Variants in PHKB observed in about 807,000 individuals in gnomAD.
PHKB encodes phosphorylase b kinase regulatory subunit beta.
Under a neutral mutation model 152.1 loss-of-function variants are expected in PHKB, and 122 were observed. The ratio of observed to expected loss-of-function variants is 0.80; its 90% CI spans 0.69 to 0.93. The LOEUF is 0.93. Ranked by LOEUF, PHKB falls within the 40% of genes least tolerant of loss-of-function variation. The pLI is 0.00. For missense variants in PHKB, 1,304 were observed against 1,328.4 expected, an observed-to-expected ratio of 0.98 and a Z score of 0.29; for synonymous variants, 436 against 464.9, an observed-to-expected ratio of 0.94 and a Z score of 0.80.
chr16:47,548,413 C>T (rs1043369095), intron 7 of PHKB, among the ~76,000 whole-genome samples: 5 of 152,054 alleles, frequency 3.3e-5, no homozygotes, highest in Non-Finnish European at 2.9e-5. Context: ...TTAAGACCAG[C>T]GTGGCCAACA....
At chr16:47,478,147 C>T (rs2151632176) in intron 1 of PHKB, among the ~76,000 whole-genome samples, 1 of 152,174 alleles carries the variant, frequency 6.6e-6, no homozygotes, top group South Asian at 2.1e-4. Context: ...TTACCTTAGA[C>T]CTCTTTAAAG....
intron 26 of PHKB, among the ~76,000 whole-genome samples, chr16:47,677,298 T>G (rs959961441): frequency 1.3e-5 from 2 of 152,166 alleles, no homozygotes; most frequent in African/African-American, 4.8e-5. Context: ...CTCATCAAAT[T>G]GTATTCCTCT....
intron 1 of PHKB, chr16:47,464,199 CAG>C (rs1392099963): frequency 1.9e-5 from 11 of 578,272 alleles, no homozygotes; most frequent in Non-Finnish European, 2.8e-5. Context: ...GTGAAAAGAA[CAG>C]AGAGTGGAGT....
intron 18 of PHKB, among the ~76,000 whole-genome samples, chr16:47,649,890 T>C (rs1204243813): frequency 6.6e-6 from 1 of 150,936 alleles, no homozygotes; most frequent in East Asian, 1.9e-4. Context: ...ATGATGATTT[T>C]ATGTAAGTCT....
intron 5 of PHKB, among the ~76,000 whole-genome samples, chr16:47,514,288 G>C (rs1970558944): frequency 6.6e-6 from 1 of 152,192 alleles, no homozygotes. Flanking sequence ...GAAGTCCCAT[G>C]AGAGGCCATC....
chr16:47,541,171 G>A (rs1000951798), intron 6 of PHKB, among the ~76,000 whole-genome samples: 11 of 151,892 alleles, frequency 7.2e-5, no homozygotes, highest in East Asian at 5.8e-4. Flanking sequence ...GACAGGCCCC[G>A]GTGTGTGATG....
chr16:47,503,547 C>T (rs1416709156), intron 4 of PHKB, among the ~76,000 whole-genome samples: 1 of 152,120 alleles, frequency 6.6e-6, no homozygotes, highest in African/African-American at 2.4e-5. Flanking sequence ...AACAGCTTTA[C>T]AGGCCAGGCG....
intron 5 of PHKB, among the ~76,000 whole-genome samples, chr16:47,511,977 C>A (rs779255799): frequency 1.3e-5 from 2 of 152,096 alleles, no homozygotes; most frequent in East Asian, 3.9e-4. Flanking sequence ...CTGGATCCCT[C>A]GCATGTGCAG....
At chr16:47,594,554 A>C (rs983239235) in intron 12 of PHKB, among the ~76,000 whole-genome samples, 1 of 152,176 alleles carries the variant, frequency 6.6e-6, no homozygotes, top group Non-Finnish European at 1.5e-5. Flanking sequence ...GCGGAGGGCT[A>C]CCTGGAGAGG....
intron 16 of PHKB, 52 bp from the exon 17 acceptor site, chr16:47,648,481 A>T: frequency 5.8e-6 from 7 of 1,216,264 alleles, no homozygotes; most frequent in Non-Finnish European, 8.6e-6. Flanking sequence ...CAGGGGTGAG[A>T]AAGTGACATG....
At chr16:47,569,261 A>T (rs1971618162) in intron 7 of PHKB, among the ~76,000 whole-genome samples, 1 of 152,212 alleles carries the variant, frequency 6.6e-6, no homozygotes, top group Non-Finnish European at 1.5e-5. Flanking sequence ...TTCTGTTATA[A>T]TATAATGACT....
intron 1 of PHKB, among the ~76,000 whole-genome samples, chr16:47,465,029 A>G (rs916067572): frequency 6.6e-6 from 1 of 152,212 alleles, no homozygotes; most frequent in Non-Finnish European, 1.5e-5. Flanking sequence ...CTGTTCTGGC[A>G]AGATAGAGGA....
chr16:47,680,543 A>G lies in PHKB; in HGVS notation c.2631-8498A>G, dbSNP rs189142448. Among the ~76,000 whole-genome samples, 70 of 152,178 alleles carry G rather than the reference A, an allele frequency of 4.6e-4. No homozygotes were observed. The East Asian group carries it at 0.014, about 29-fold the overall frequency. ...TTTATCCATTTCTTCTAGATTTTCT[A>G]GTTTATTTGCGTAGAGGTGTTTATA... On this transcript the variant is annotated intron_variant, in intron 26 of 30. Transcript: ENST00000323584.
chr16:47,633,669 G>C (rs1415881422), intron 14 of PHKB, among the ~76,000 whole-genome samples: 1 of 152,214 alleles, frequency 6.6e-6, no homozygotes, highest in Non-Finnish European at 1.5e-5. Flanking sequence ...TAAAGGGACA[G>C]TGGACAGAAA....
chr16:47,552,800 AACACACACACACAC>A (rs61186489), intron 7 of PHKB, among the ~76,000 whole-genome samples: 3 of 143,500 alleles, frequency 2.1e-5, no homozygotes, highest in Non-Finnish European at 4.6e-5. Context: ...CCCCATCTCA[AACACACACACACAC>A]ACACACACAC....
intron 1 of PHKB, chr16:47,464,020 C>A (rs774654866): frequency 1.5e-6 from 2 of 1,371,120 alleles, no homozygotes; most frequent in South Asian, 2.3e-5. Context: ...CCAAAAGGGT[C>A]ACTTGGTAAT....
intron 7 of PHKB, chr16:47,565,440 A>G: frequency 3.6e-6 from 5 of 1,382,428 alleles, no homozygotes; most frequent in African/African-American, 1.4e-5. Flanking sequence ...GTGATAGAGC[A>G]GGAGGGTTAG....
At chr16:47,483,036 T>C (rs893878511) in intron 1 of PHKB, among the ~76,000 whole-genome samples, 2 of 132,562 alleles carry the variant, frequency 1.5e-5, no homozygotes, top group African/African-American at 5.8e-5. Flanking sequence ...AATAATTTCT[T>C]TTTTTTTTTT....
intron 6 of PHKB, among the ~76,000 whole-genome samples, chr16:47,533,188 C>T (rs1269445342): frequency 6.6e-6 from 1 of 152,168 alleles, no homozygotes; most frequent in Non-Finnish European, 1.5e-5. Flanking sequence ...GTAGGTAGCT[C>T]CTCTCTGCAG....
Sources: gnomAD v4.1 joint callset for allele counts (sites outside exome capture counted in the v4.1 genomes callset) on GRCh38, gnomAD v4.1.1 for gene constraint, MANE v1.5 for transcripts, NCBI Gene and HGNC (gene_info 2026-07-23, HGNC 2026-07-21) for gene names.